DLX4: variants seen among roughly 807,000 people sequenced by gnomAD.
DLX4 encodes homeobox protein DLX-4.
DLX4 carries 13 observed loss-of-function variants against 17.1 expected under a neutral mutation model. That is an observed-to-expected ratio of 0.76 (90% confidence interval 0.49 to 1.21). DLX4 has a LOEUF of 1.21. Among genes scored for constraint, DLX4 ranks in the 50% most tolerant of loss-of-function variants. The probability of loss-of-function intolerance (pLI) is 0.00; values close to 1 mark genes in which losing one functional copy is unlikely to be tolerated. For missense variants in DLX4, 297 were observed against 301.4 expected (o/e 0.99, Z 0.11); for synonymous variants, 129 against 140.3 (o/e 0.92, Z 0.57).
In DLX4 at chr17:49,973,076, C is replaced by G. The variant is rs764988416; in HGVS notation, c.287C>G (p.Ser96Trp). 9.9e-6 allele frequency: 16 copies of G among 1,613,934 alleles called. No homozygotes were observed. In the East Asian group the frequency reaches 3.3e-4, roughly 34 times the overall value. ...ACCGTGTTGTGCTGCCCACCAGACT[C>G]GGAGAAGCCGCGGCTGTCCCCGGAA... ...AEHPQELEAD[S>W]EKPRLSPEPS... The change falls in exon 2 of 3, where the codon TCG becomes TGG. Residue 96 changes from serine to tryptophan, a missense_variant. Transcript: ENST00000240306.
rs369561537 is a variant in DLX4 at position 49,973,928 on chromosome 17, G to A, written c.708G>A (p.Ser236=). 6 of 1,605,818 alleles carry A rather than the reference G, an allele frequency of 3.7e-6. No homozygotes were observed. Among genetic ancestry groups the A allele is most frequent in the African/African-American group, 2.7e-5 (2 of 74,038 alleles). Residue 236 remains serine (S), a synonymous_variant, in exon 3 of 3, where the codon TCG becomes TCA. Transcript: ENST00000240306. ...YQHHSSDVLA[S]PQMM The stretch of plus-strand genomic sequence containing the variant: ...ATCACTCCTCAGATGTCCTGGCTTC[G>A]CCTCAGATGATGTGAATCTGGGGAA...
At chr17:49,973,546 C>G in intron 2 of DLX4, 155 bp from the exon 3 acceptor site, 1 of 1,094,258 alleles carries the variant, frequency 9.1e-7, no homozygotes, top group Non-Finnish European at 1.3e-6. Flanking sequence ...TCAGAAGGCT[C>G]CTGGGGCTGT....
Position 49,972,676 on chromosome 17 carries a change from C to T in DLX4, c.284-397C>T. On this transcript the variant is annotated intron_variant, in intron 1 of 2. Coordinates refer to ENST00000240306, the MANE Select transcript of DLX4 (RefSeq NM_138281.3). This position sits in a 1 kb window ranked among gnomAD's most constrained non-coding sequence, Gnocchi z 5.4. Reference sequence around the variant, plus strand: ...CTGCAATGTCCTTCCTCTGTCATCTCTAGGCCTCGGCTCAGCCCTGGACCT... The same window carrying T: ...CTGCAATGTCCTTCCTCTGTCATCTTTAGGCCTCGGCTCAGCCCTGGACCT... 1 of 1,159,504 alleles carries T rather than the reference C, an allele frequency of 8.6e-7. No homozygotes were observed. The highest frequency in any genetic ancestry group is 1.1e-6 in the Non-Finnish European group (1 of 924,222). The allele number at this position is 1,159,504 out of a possible 1,614,324, so 71.8% of individuals were successfully genotyped here.
At position 49,973,622 on chromosome 17, in the gene DLX4, G is replaced by C. The variant is rs551497848; in HGVS notation, c.481-79G>C. 199 of 1,475,212 alleles carry C rather than the reference G, an allele frequency of 1.3e-4. No individual in the cohort carries two copies. In the South Asian group the frequency reaches 2.6e-3, roughly 19 times the overall value. The allele number at this position is 1,475,212 out of a possible 1,614,324, so 91.4% of individuals were successfully genotyped here. On this transcript the variant is annotated intron_variant, in intron 2 of 2. Coordinates refer to ENST00000240306, the MANE Select transcript of DLX4 (RefSeq NM_138281.3). ...GTCTCCCAGGACTGTGCCTGCACCT[G>C]GATCCCTTTCCCTTCCTCGAAACTT...
intron 1 of DLX4, among the ~76,000 whole-genome samples, chr17:49,971,080 G>A (rs1191681178): frequency 2.0e-5 from 3 of 152,152 alleles, no homozygotes; most frequent in African/African-American, 4.8e-5. Flanking sequence ...TTTAGTGTAT[G>A]CTAATAGGAT....
rs944342857 is a variant in DLX4 at position 49,974,247 on chromosome 17, A to G, written c.*304A>G. 4 of 252,272 alleles carry G rather than the reference A, an allele frequency of 1.6e-5. No individual in the cohort carries two copies. The highest frequency in any genetic ancestry group is 2.2e-5 in the Non-Finnish European group (3 of 133,758). 15.6% of individuals were successfully genotyped at this position (252,272 alleles called of 1,614,324 possible). Reference sequence around the variant, plus strand: ...GGCTGGAGTTGAGACTGTCCCCAGAACCCTTGGTCTTGCCACTCCCCCACT... The same window carrying G: ...GGCTGGAGTTGAGACTGTCCCCAGAGCCCTTGGTCTTGCCACTCCCCCACT... On this transcript the variant is annotated 3_prime_UTR_variant, in exon 3 of 3. Coordinates refer to ENST00000240306, the MANE Select transcript of DLX4 (RefSeq NM_138281.3).
Position 49,969,256 on chromosome 17 carries a change from A to C in DLX4, c.-213A>C. 20 of 348,114 alleles carry C rather than the reference A, an allele frequency of 5.7e-5. No individual in the cohort carries two copies. The highest frequency in any genetic ancestry group is 9.6e-5 in the Admixed American group (1 of 10,374). The allele number at this position is 348,114 out of a possible 1,614,324, so 21.6% of individuals were successfully genotyped here. A position where few individuals can be genotyped will look rare whatever the true frequency, so the allele number is the denominator to read the frequency against. On this transcript the variant is annotated 5_prime_UTR_variant, in exon 1 of 3. Coordinates refer to ENST00000240306, the MANE Select transcript of DLX4 (RefSeq NM_138281.3). ...CCCATGGATTTAGGGGGGGAGGGGA[A>C]AGTCATGGGGGGCACCCCCCCGGAA...
chr17:49,969,749 C>A lies in DLX4; in HGVS notation c.281C>A (p.Ala94Glu). The A allele has an allele frequency of 2.5e-6, 4 of 1,588,690 alleles. No homozygotes were observed. The South Asian group carries it at 4.5e-5, about 18-fold the overall frequency. ...GPAEHPQELEADSEKPRLSPE... is the reference protein window; with the variant it reads ...GPAEHPQELEEDSEKPRLSPE... The stretch of plus-strand genomic sequence containing the variant: ...GCAGAGCACCCTCAGGAACTCGAGG[C>A]AGGTAAGTTCGGCCGTGGAGGCTCT... Residue 94 changes from alanine (A) to glutamate (E), a missense_variant and splice_region_variant, in exon 1 of 3, where the codon GCA becomes GAA. Ala to Glu is a moderately radical substitution (Grantham distance 107). Coordinates refer to ENST00000240306, the MANE Select transcript of DLX4 (RefSeq NM_138281.3).
chr17:49,969,837 G>A (rs1313012398), intron 1 of DLX4, 86 bp downstream of exon 1: 7 of 1,065,594 alleles, frequency 6.6e-6, no homozygotes, highest in Admixed American at 4.0e-5. Flanking sequence ...GTTGGACGCA[G>A]CTAGCGGGAT....
At position 49,974,555 on chromosome 17, in the gene DLX4, TG is replaced by T. The variant is rs1905650994; in HGVS notation, c.*614del. On this transcript the variant is annotated 3_prime_UTR_variant, in exon 3 of 3. Coordinates refer to ENST00000240306, the MANE Select transcript of DLX4 (RefSeq NM_138281.3). ...GAGATGCAGAGAAATGTGGAATTTG[TG>T]GACCTATGGGTAATTTATGCTTTCC... 1 of 143,986 alleles carries T rather than the reference TG, an allele frequency of 6.9e-6. No homozygotes were observed. Among genetic ancestry groups the T allele is most frequent in the Non-Finnish European group, 1.5e-5 (1 of 66,750 alleles). 8.9% of individuals were successfully genotyped at this position (143,986 alleles called of 1,614,324 possible).
Position 49,969,392 on chromosome 17 carries a change from A to G in DLX4, c.-77A>G. 6.9e-7 allele frequency: 1 copy of G among 1,451,326 alleles called. No homozygotes were observed. 89.9% of individuals were successfully genotyped at this position (1,451,326 alleles called of 1,614,324 possible). A position where few individuals can be genotyped will look rare whatever the true frequency, so the allele number is the denominator to read the frequency against. On this transcript the variant is annotated 5_prime_UTR_variant, in exon 1 of 3. Coordinates refer to ENST00000240306, the MANE Select transcript of DLX4 (RefSeq NM_138281.3). ...GGGGGCCCGTCCGGCCCAACGCCGGAGGCTTGGAAAAGAGAGTTGGCAGCG... is the reference window on the plus strand; with the variant it reads ...GGGGGCCCGTCCGGCCCAACGCCGGGGGCTTGGAAAAGAGAGTTGGCAGCG...
chr17:49,972,982 TGCAG>T lies in DLX4; in HGVS notation c.284-90_284-87del. 1 of 1,544,674 alleles carries T rather than the reference TGCAG, an allele frequency of 6.5e-7. No homozygotes were observed. Among genetic ancestry groups the T allele is most frequent in the South Asian group, 1.2e-5 (1 of 81,110 alleles). On this transcript the variant is annotated intron_variant, in intron 1 of 2. Transcript: ENST00000240306. This position sits in a 1 kb window ranked among gnomAD's most constrained non-coding sequence, Gnocchi z 5.4. ...TTTTTGCTATTTGCTGCCGACGGCA[TGCAG>T]ACGAGATGCAAATAAGCTTATGAAA...
intron 2 of DLX4, 67 bp downstream of exon 2, chr17:49,973,336 C>T (rs1905593084): frequency 6.4e-7 from 1 of 1,571,324 alleles, no homozygotes; most frequent in Non-Finnish European, 8.6e-7. Context: ...ATCCCCCAGC[C>T]CCAGCTGTGA....
rs1318401844 is a variant in DLX4 at position 49,972,677 on chromosome 17, T to C, written c.284-396T>C. On this transcript the variant is annotated intron_variant, in intron 1 of 2. Transcript: ENST00000240306. This position sits in a 1 kb window ranked among gnomAD's most constrained non-coding sequence, Gnocchi z 5.4. ...TGCAATGTCCTTCCTCTGTCATCTC[T>C]AGGCCTCGGCTCAGCCCTGGACCTA... 8.6e-6 allele frequency: 10 copies of C among 1,160,880 alleles called. No individual in the cohort carries two copies. The highest frequency in any genetic ancestry group is 1.6e-5 in the African/African-American group (1 of 62,824). The allele number at this position is 1,160,880 out of a possible 1,614,324, so 71.9% of individuals were successfully genotyped here. A position where few individuals can be genotyped will look rare whatever the true frequency, so the allele number is the denominator to read the frequency against.
upstream of DLX4, chr17:49,969,132 T>A (rs1905405325): frequency 7.9e-6 from 2 of 253,576 alleles, no homozygotes; most frequent in Non-Finnish European, 1.5e-5. Flanking sequence ...GCTGCAAGTC[T>A]CCGTGAGGTC....
chr17:49,974,152 T>A lies in DLX4; in HGVS notation c.*209T>A. On this transcript the variant is annotated 3_prime_UTR_variant, in exon 3 of 3. Transcript: ENST00000240306. ...AAGGACCTCAGCCTTATATAATCAT[T>A]GTCCCCACCACTACCATGGACTGGA... 1 of 499,280 alleles carries A rather than the reference T, an allele frequency of 2.0e-6. No individual in the cohort carries two copies. Among genetic ancestry groups the A allele is most frequent in the South Asian group, 4.3e-5 (1 of 23,528 alleles). 30.9% of individuals were successfully genotyped at this position (499,280 alleles called of 1,614,324 possible).
At chr17:49,973,538 A>G (rs1259322840) in intron 2 of DLX4, 163 bp from the exon 3 acceptor site, 5 of 1,058,444 alleles carry the variant, frequency 4.7e-6, no homozygotes, top group Non-Finnish European at 6.8e-6. Flanking sequence ...GCAGGAACTC[A>G]GAAGGCTCCT....
intron 2 of DLX4, 150 bp from the exon 3 acceptor site, chr17:49,973,551 G>A (rs1027562048): frequency 1.3e-5 from 14 of 1,108,744 alleles, no homozygotes; most frequent in Non-Finnish European, 1.7e-5. Context: ...AGGCTCCTGG[G>A]GCTGTGGGGG....
rs868378984 is a variant in DLX4, at chr17:49,969,200, G to A, written c.-269G>A. On this transcript the variant is annotated 5_prime_UTR_variant, in exon 1 of 3. Transcript: ENST00000240306. Reference sequence around the variant, plus strand: ...GAGGGCGGGGCCCCCGTCGGGTCCCGGGAACCGAACCCGATGGAGAGGAGG... The same window carrying A: ...GAGGGCGGGGCCCCCGTCGGGTCCCAGGAACCGAACCCGATGGAGAGGAGG... The A allele has an allele frequency of 2.8e-6, 1 of 361,440 alleles. No homozygotes were observed. Among genetic ancestry groups the A allele is most frequent in the Non-Finnish European group, 4.9e-6 (1 of 202,334 alleles). 22.4% of individuals were successfully genotyped at this position (361,440 alleles called of 1,614,324 possible). A position where few individuals can be genotyped will look rare whatever the true frequency, so the allele number is the denominator to read the frequency against.
Sources: allele counts gnomAD v4.1 joint callset (sites outside exome capture counted in the v4.1 genomes callset), GRCh38; gene constraint gnomAD v4.1.1; non-coding constraint Gnocchi (gnomAD v3.1); transcripts MANE v1.5; gene names NCBI Gene and HGNC (gene_info 2026-07-23, HGNC 2026-07-21).